The following DAGLB variants were observed in gnomAD, a reference collection of about 807,000 sequenced individuals.
The protein encoded by DAGLB is diacylglycerol lipase beta.
A neutral mutation model predicts 72.1 loss-of-function variants in DAGLB; 66 were observed. The ratio of observed to expected loss-of-function variants is 0.92; its 90% CI spans 0.75 to 1.12. The LOEUF (loss-of-function observed/expected upper bound fraction) is 1.12, where lower values mean the gene tolerates loss of function less well. Among genes scored for constraint, DAGLB ranks in the 50% most tolerant of loss-of-function variants. DAGLB has a pLI of 0.00. For synonymous variants in DAGLB, 414 were observed against 359.5 expected (o/e 1.15, Z -1.71); for missense variants, 1,065 against 884.9 (o/e 1.20, Z -2.58).
chr7:6,441,493 C>G (rs1784831897), intron 2 of DAGLB, among the ~76,000 whole-genome samples: 1 of 150,884 alleles, frequency 6.6e-6, no homozygotes, highest in East Asian at 2.0e-4. Context: ...TCTCGGCTCA[C>G]TGCAACCTCC....
At position 6,434,901 on chromosome 7, in the gene DAGLB, T is replaced by G. The variant is rs746357939; in HGVS notation, c.539A>C (p.Gln180Pro). 1 of 1,614,192 alleles carries G rather than the reference T, an allele frequency of 6.2e-7. No individual in the cohort carries two copies. Among genetic ancestry groups the G allele is most frequent in the Non-Finnish European group, 8.5e-7 (1 of 1,180,042 alleles). The change falls in exon 4 of 15, where the codon CAG becomes CCG. Residue 180 changes from glutamine (Q) to proline (P), a missense_variant. By Grantham distance (76) the Gln-to-Pro change is moderately conservative. Transcript: ENST00000297056. ...TGCTGTCTTGAGGCCATTAAGTAAC[T>G]GGCTTGAATCATGACTATCCAGGTG... The part of the protein sequence containing the change: ...PSHLDSHDSS[Q>P]LLNGLKTAAT...
At chr7:6,432,114 GC>G (rs1784503431) in intron 5 of DAGLB, among the ~76,000 whole-genome samples, 1 of 152,212 alleles carries the variant, frequency 6.6e-6, no homozygotes, top group Admixed American at 6.5e-5. Flanking sequence ...ACTCTGGGAA[GC>G]CGAGGCAGGC....
At chr7:6,427,121 A>C (rs1046674639) in intron 6 of DAGLB, among the ~76,000 whole-genome samples, 2 of 152,198 alleles carry the variant, frequency 1.3e-5, no homozygotes, top group Non-Finnish European at 2.9e-5. Context: ...AAATACAATT[A>C]AATTAAATTA....
At chr7:6,439,765 A>T (rs1784767924) in intron 2 of DAGLB, among the ~76,000 whole-genome samples, 1 of 151,974 alleles carries the variant, frequency 6.6e-6, no homozygotes. Flanking sequence ...TAAAAATAGA[A>T]ACTAGGCCGG....
chr7:6,420,082 G>A (rs1784061234), intron 9 of DAGLB, among the ~76,000 whole-genome samples: 1 of 152,124 alleles, frequency 6.6e-6, no homozygotes, highest in Non-Finnish European at 1.5e-5. Context: ...GGGAGATGGA[G>A]GCTGCAGTGA....
intron 9 of DAGLB, chr7:6,417,635 T>C (rs867042539): frequency 6.6e-6 from 1 of 152,044 alleles, no homozygotes; most frequent in Non-Finnish European, 1.5e-5. Flanking sequence ...TCTGAGCTAT[T>C]TGGGAGGCTG....
chr7:6,439,859 C>A (rs1784771643), intron 2 of DAGLB, among the ~76,000 whole-genome samples: 1 of 151,784 alleles, frequency 6.6e-6, no homozygotes, highest in Non-Finnish European at 1.5e-5. Context: ...CGAGACCAGC[C>A]TGGCCAACAT....
chr7:6,432,366 G>A (rs1784511920), intron 5 of DAGLB, among the ~76,000 whole-genome samples: 1 of 150,510 alleles, frequency 6.6e-6, no homozygotes, highest in Non-Finnish European at 1.5e-5. Context: ...AAGAAAAAAA[G>A]GGGAGGGGAG....
chr7:6,428,609 C>A (rs1784385955), intron 6 of DAGLB, among the ~76,000 whole-genome samples: 2 of 151,850 alleles, frequency 1.3e-5, no homozygotes, highest in South Asian at 4.1e-4. Flanking sequence ...GCCTCAACCT[C>A]CCGAGTAGCT....
intron 5 of DAGLB, among the ~76,000 whole-genome samples, chr7:6,431,072 A>T (rs189511951): frequency 1.3e-4 from 20 of 152,128 alleles, no homozygotes; most frequent in African/African-American, 4.6e-4. Context: ...CACCACGCCC[A>T]GCCTGACTCC....
intron 2 of DAGLB, among the ~76,000 whole-genome samples, chr7:6,437,045 G>A (rs749612562): frequency 6.6e-6 from 1 of 151,586 alleles, no homozygotes. Context: ...AGCTACTTGC[G>A]AGGGAGGCTG....
chr7:6,422,011 A>C, intron 8 of DAGLB: 1 of 669,876 alleles, frequency 1.5e-6, no homozygotes, highest in Non-Finnish European at 2.7e-6. Flanking sequence ...GCTCTGGGCC[A>C]GGCGTGAAGG....
Position 6,447,884 on chromosome 7 carries a change from G to T in DAGLB, c.-42C>A. 1.9e-6 allele frequency: 3 copies of T among 1,560,990 alleles called. No homozygotes were observed. The highest frequency in any genetic ancestry group is 1.7e-4 in the Middle Eastern group (1 of 5,896). On this transcript the variant is annotated 5_prime_UTR_variant, in exon 1 of 15. Transcript: ENST00000297056. ...CTCGCACTCAGGAGAGACCCCGCGCGCCGTTCACCGAGAACAAACCAGCAC... is the reference window on the plus strand; with the variant it reads ...CTCGCACTCAGGAGAGACCCCGCGCTCCGTTCACCGAGAACAAACCAGCAC...
chr7:6,438,192 G>A (rs990684157), intron 2 of DAGLB, among the ~76,000 whole-genome samples: 6 of 151,902 alleles, frequency 3.9e-5, no homozygotes, highest in East Asian at 1.9e-4. Context: ...ATCACACACC[G>A]GGGCCTGTAG....
intron 6 of DAGLB, among the ~76,000 whole-genome samples, chr7:6,429,036 T>C (rs960059857): frequency 2.0e-5 from 3 of 152,026 alleles, no homozygotes; most frequent in Non-Finnish European, 4.4e-5. Context: ...ACTCCTGAGC[T>C]CAAGTGATCC....
At chr7:6,422,060 C>T (rs778701695) in intron 8 of DAGLB, 10 of 584,002 alleles carry the variant, frequency 1.7e-5, no homozygotes, top group African/African-American at 5.6e-5. Flanking sequence ...ACACGCCCTG[C>T]GCCTTCCCCA....
chr7:6,436,443 G>A lies in DAGLB; in HGVS notation c.338C>T (p.Ser113Phe). Residue 113 changes from serine (S) to phenylalanine (F), a missense_variant, in exon 3 of 15, where the codon TCT becomes TTT. Transcript: ENST00000297056. ...ALFFPEMVWA[S>F]LGAAWVADGV... ...ATCTGCCACCCAGGCAGCCCCCAGA[G>A]AGGCCCAGACCATCTCTGGAAAAAA... is the stretch of plus-strand genomic sequence containing the variant. 6.2e-7 allele frequency: 1 copy of A among 1,614,140 alleles called. No homozygotes were observed. The highest frequency in any genetic ancestry group is 1.1e-5 in the South Asian group (1 of 91,082).
intron 13 of DAGLB, among the ~76,000 whole-genome samples, chr7:6,410,821 C>T (rs1429684279): frequency 6.6e-6 from 1 of 152,070 alleles, no homozygotes; most frequent in Non-Finnish European, 1.5e-5. Context: ...TCTCCTACCT[C>T]AGCCTACTGA....
intron 5 of DAGLB, among the ~76,000 whole-genome samples, chr7:6,432,072 C>T (rs1239432712): frequency 6.6e-6 from 1 of 152,118 alleles, no homozygotes; most frequent in Non-Finnish European, 1.5e-5. Flanking sequence ...AAAAATAGGC[C>T]CGGTGTGGTG....
Sources: allele counts gnomAD v4.1 joint callset (sites outside exome capture counted in the v4.1 genomes callset), GRCh38; gene constraint gnomAD v4.1.1; transcripts MANE v1.5; gene names NCBI Gene and HGNC (gene_info 2026-07-23, HGNC 2026-07-21).